The following IL22RA2 variants were observed in gnomAD, a reference collection of about 807,000 sequenced individuals.
The protein encoded by IL22RA2 is interleukin-22 receptor subunit alpha-2.
IL22RA2 carries 39 observed loss-of-function variants against 30.7 expected under a neutral mutation model. That is an observed-to-expected ratio of 1.27 (90% CI 0.98 to 1.66). The LOEUF is 1.66. Ranked by LOEUF, IL22RA2 falls within the 40% of genes most tolerant of loss-of-function variation. IL22RA2 has a pLI of 0.00. For synonymous variants in IL22RA2, 103 were observed against 105.0 expected, an observed-to-expected ratio of 0.98 and a Z score of 0.11; for missense variants, 315 against 312.7, an observed-to-expected ratio of 1.01 and a Z score of -0.05.
At chr6:137,168,375 C>T (rs910137937) in intron 1 of IL22RA2, among the ~76,000 whole-genome samples, 5 of 152,140 alleles carry the variant, frequency 3.3e-5, no homozygotes, top group Non-Finnish European at 5.9e-5. Flanking sequence ...ATATACAAAC[C>T]CCACAGAAAC....
intron 2 of IL22RA2, among the ~76,000 whole-genome samples, chr6:137,159,381 C>T (rs559627881): frequency 3.3e-5 from 5 of 151,944 alleles, no homozygotes; most frequent in East Asian, 1.9e-4. Context: ...AGTGCAGTGG[C>T]GTGATCTCAG....
Position 137,144,600 on chromosome 6 carries a change from C to CTA in IL22RA2, c.*1022_*1023dup, listed in dbSNP as rs1778135562. 2 of 152,308 alleles carry CTA rather than the reference C, an allele frequency of 1.3e-5. No homozygotes were observed. Among genetic ancestry groups the CTA allele is most frequent in the Non-Finnish European group, 2.9e-5 (2 of 68,138 alleles). The allele number at this position is 152,308 out of a possible 1,614,324, so 9.4% of individuals were successfully genotyped here. ...CCAGTTTGGAGGGCTTTGTCTAGCT[C>CTA]TATAGTCTCTGTAGGCACCTACCAA... On this transcript the variant is annotated 3_prime_UTR_variant, in exon 7 of 7. Coordinates refer to ENST00000296980, the MANE Select transcript of IL22RA2 (RefSeq NM_052962.3).
intron 4 of IL22RA2, among the ~76,000 whole-genome samples, chr6:137,155,628 C>T (rs1457200727): frequency 8.6e-5 from 13 of 152,012 alleles, no homozygotes; most frequent in Non-Finnish European, 1.8e-4. Flanking sequence ...TTCATGGGGG[C>T]AGAATCCTCA....
At position 137,158,434 on chromosome 6, in the gene IL22RA2, T is replaced by A; in HGVS notation, c.110A>T (p.Gln37Leu). ...CAAAATGTTGTGAAAATTTCGGGACTGAAATTGTACCCTCTGAGGCTTCAG... is the reference window on the plus strand; with the variant it reads ...CAAAATGTTGTGAAAATTTCGGGACAGAAATTGTACCCTCTGAGGCTTCAG... ...ESLKPQRVQFQSRNFHNILQW... is the reference protein window; with the variant it reads ...ESLKPQRVQFLSRNFHNILQW... Residue 37 changes from glutamine (Q) to leucine (L), a missense_variant, in exon 3 of 7, where the codon CAG (glutamine) becomes CTG (leucine). Transcript: ENST00000296980. 6.2e-7 allele frequency: 1 copy of A among 1,614,106 alleles called. No individual in the cohort carries two copies. The highest frequency in any genetic ancestry group is 1.1e-5 in the South Asian group (1 of 91,080).
At chr6:137,155,759 G>T (rs1778392863) in intron 4 of IL22RA2, among the ~76,000 whole-genome samples, 1 of 152,082 alleles carries the variant, frequency 6.6e-6, no homozygotes, top group African/African-American at 2.4e-5. Flanking sequence ...GTGCTGTCTT[G>T]CTGGAAGATA....
intron 1 of IL22RA2, among the ~76,000 whole-genome samples, chr6:137,163,398 G>C (rs1224157817): frequency 6.6e-6 from 1 of 152,146 alleles, no homozygotes; most frequent in East Asian, 1.9e-4. Context: ...ATTGGAGATG[G>C]CAGATTTTCG....
chr6:137,168,255 A>G (rs1345801308), intron 1 of IL22RA2, among the ~76,000 whole-genome samples: 3 of 152,032 alleles, frequency 2.0e-5, no homozygotes, highest in Non-Finnish European at 4.4e-5. Context: ...CAGACTAATT[A>G]CTCAGTCTGT....
intron 2 of IL22RA2, among the ~76,000 whole-genome samples, chr6:137,159,160 A>G (rs1254412547): frequency 6.6e-6 from 1 of 152,194 alleles, no homozygotes; most frequent in African/African-American, 2.4e-5. Context: ...ATAATTTTGC[A>G]CTGGCATGAC....
chr6:137,153,371 G>T (rs1256404119), intron 5 of IL22RA2, among the ~76,000 whole-genome samples: 1 of 152,056 alleles, frequency 6.6e-6, no homozygotes, highest in Non-Finnish European at 1.5e-5. Flanking sequence ...CATATGAATT[G>T]GTAAATGCTC....
chr6:137,170,976 A>AG (rs1182934823), intron 1 of IL22RA2, among the ~76,000 whole-genome samples: 3 of 152,226 alleles, frequency 2.0e-5, no homozygotes, highest in African/African-American at 7.2e-5. Flanking sequence ...CAAGTCATAA[A>AG]GGTTTTTTTG....
At chr6:137,161,610 C>A in intron 2 of IL22RA2, 79 bp downstream of exon 2, 1 of 1,181,162 alleles carries the variant, frequency 8.5e-7, no homozygotes, top group Non-Finnish European at 1.3e-6. Context: ...CAAAAAAGCA[C>A]CAGTGCCATT....
At chr6:137,156,884 G>A (rs41288975) in intron 3 of IL22RA2, 30 bp from the exon 4 acceptor site, 25,800 of 1,595,158 alleles carry the variant, frequency 0.016, 284 homozygotes, top group South Asian at 0.026. Flanking sequence ...AAAACAGATC[G>A]TGTGAAGAGG....
intron 5 of IL22RA2, among the ~76,000 whole-genome samples, chr6:137,153,896 G>A (rs1420568984): frequency 6.6e-6 from 1 of 152,160 alleles, no homozygotes; most frequent in Non-Finnish European, 1.5e-5. Context: ...TGAATGTTGA[G>A]TTTATAATGA....
At chr6:137,148,305 C>G (rs949011774) in intron 5 of IL22RA2, among the ~76,000 whole-genome samples, 1 of 152,090 alleles carries the variant, frequency 6.6e-6, no homozygotes, top group African/African-American at 2.4e-5. Flanking sequence ...GCTCAAACTC[C>G]TGTACTCAAG....
At chr6:137,160,467 G>A (rs1336400740) in intron 2 of IL22RA2, among the ~76,000 whole-genome samples, 2 of 152,220 alleles carry the variant, frequency 1.3e-5, no homozygotes, top group African/African-American at 4.8e-5. Flanking sequence ...GACAGTCTGA[G>A]TGCAGAGCCT....
intron 5 of IL22RA2, among the ~76,000 whole-genome samples, chr6:137,149,179 CA>C (rs972208583): frequency 2.0e-5 from 3 of 152,148 alleles, no homozygotes; most frequent in African/African-American, 7.2e-5. Flanking sequence ...TGGTCTTACT[CA>C]AAACTGCCTC....
In IL22RA2 at chr6:137,171,140, C is replaced by G. The variant is rs549519730; in HGVS notation, c.-66+2273G>C. On this transcript the variant is annotated intron_variant, in intron 1 of 6. Coordinates refer to ENST00000296980, the MANE Select transcript of IL22RA2 (RefSeq NM_052962.3). ...AAGCAGTATCCATCCATGCAGCTAT[C>G]CAATAACATTTCACAAATATTTGCT... is the stretch of plus-strand genomic sequence containing the variant. Among the ~76,000 whole-genome samples, 84 of 152,286 alleles carry G rather than the reference C, an allele frequency of 5.5e-4. 1 individual carries two copies. Among genetic ancestry groups the G allele is most frequent in the African/African-American group, 1.9e-3 (79 of 41,538 alleles).
chr6:137,157,664 G>T (rs1778434687), intron 3 of IL22RA2, among the ~76,000 whole-genome samples: 1 of 151,944 alleles, frequency 6.6e-6, no homozygotes. Flanking sequence ...AGACAGGATT[G>T]AGCCTCAACC....
chr6:137,158,401 T>C lies in IL22RA2; in HGVS notation c.143A>G (p.Gln48Arg). 6.2e-7 allele frequency: 1 copy of C among 1,614,194 alleles called. No homozygotes were observed. The highest frequency in any genetic ancestry group is 8.5e-7 in the Non-Finnish European group (1 of 1,180,006). ...GTTGCCAGTAAGTGCCCTCCCAGGC[T>C]GCCATTGCAAAATGTTGTGAAAATT... is the stretch of plus-strand genomic sequence containing the variant. ...SRNFHNILQW[Q>R]PGRALTGNSS... The change falls in exon 3 of 7, where the codon CAG becomes CGG. Residue 48 changes from glutamine (Q) to arginine (R), a missense_variant. By Grantham distance (43) the Gln-to-Arg change is conservative. Coordinates refer to ENST00000296980, the MANE Select transcript of IL22RA2 (RefSeq NM_052962.3).
Sources: allele counts gnomAD v4.1 joint callset (sites outside exome capture counted in the v4.1 genomes callset), GRCh38; gene constraint gnomAD v4.1.1; transcripts MANE v1.5; gene names NCBI Gene and HGNC (gene_info 2026-07-23, HGNC 2026-07-21).